Variants in NRG1 observed in about 807,000 individuals in gnomAD.
NRG1 encodes the protein neuregulin 1, also known as pro-neuregulin-1, membrane-bound isoform.
Under a neutral mutation model 63.8 loss-of-function variants are expected in NRG1, and 18 were observed. That is an observed-to-expected ratio of 0.28 (90% CI 0.19 to 0.42). The LOEUF (loss-of-function observed/expected upper bound fraction) is 0.42, where lower values mean the gene tolerates loss of function less well. Ranked by LOEUF, NRG1 falls within the 10% of genes least tolerant of loss-of-function variation. The pLI is 1.00. For missense variants in NRG1, 762 were observed against 814.7 expected, an observed-to-expected ratio of 0.94 and a Z score of 0.79; for synonymous variants, 302 against 301.3, an observed-to-expected ratio of 1.00 and a Z score of -0.02.
rs183925590 is a variant in NRG1, at chr8:31,742,898, C to T, written c.37+103467C>T. 1.2e-3 allele frequency among the ~76,000 whole-genome samples: 190 copies of T among 152,034 alleles called. 2 individuals carry two copies. The highest frequency in any genetic ancestry group is 7.0e-3 in the Admixed American group (107 of 15,246). On this transcript the variant is annotated intron_variant, in intron 1 of 10. Transcript: ENST00000519301. ...TTGACAGAACTCAATGGCATAGGCCCGCTAACTGGTAATGAGCTGGCAAGT... is the reference window on the plus strand; with the variant it reads ...TTGACAGAACTCAATGGCATAGGCCTGCTAACTGGTAATGAGCTGGCAAGT...
intron 1 of NRG1, among the ~76,000 whole-genome samples, chr8:32,210,816 C>T (rs561872810): frequency 1.3e-5 from 2 of 152,318 alleles, no homozygotes; most frequent in South Asian, 4.1e-4. Context: ...AGCTTTATCT[C>T]TGTCTACAGT....
chr8:32,715,046 T>G (rs751300625), intron 5 of NRG1, among the ~76,000 whole-genome samples: 4 of 152,060 alleles, frequency 2.6e-5, no homozygotes, highest in Non-Finnish European at 4.4e-5. Flanking sequence ...CAAACATGGC[T>G]CACTTTAACT....
intron 1 of NRG1, among the ~76,000 whole-genome samples, chr8:31,992,122 G>A (rs1200384784): frequency 2.0e-5 from 3 of 151,708 alleles, no homozygotes; most frequent in African/African-American, 4.8e-5. Flanking sequence ...ATTGCTTGAG[G>A]CCAGGAGTTC....
chr8:31,782,039 T>G (rs577843440), intron 1 of NRG1, among the ~76,000 whole-genome samples: 1 of 152,248 alleles, frequency 6.6e-6, no homozygotes, highest in Admixed American at 6.5e-5. Context: ...TTCACTGCCC[T>G]AGGTCTCTCT....
At chr8:32,131,519 G>A (rs1438942753) in intron 1 of NRG1, among the ~76,000 whole-genome samples, 1 of 152,018 alleles carries the variant, frequency 6.6e-6, no homozygotes, top group Non-Finnish European at 1.5e-5. Context: ...AGGATCTTCA[G>A]TTCTACCAAA....
exon 1 of NRG1, chr8:32,548,672 A>T (rs1418621557): frequency 1.3e-5 from 20 of 1,538,664 alleles, no homozygotes; most frequent in Middle Eastern, 1.7e-4. Context: ...GAGCCCTTGG[A>T]CCAAACTCGC....
At chr8:31,969,192 T>C (rs545126802) in intron 1 of NRG1, among the ~76,000 whole-genome samples, 1 of 152,332 alleles carries the variant, frequency 6.6e-6, no homozygotes, top group South Asian at 2.1e-4. Flanking sequence ...CTTTATTTTT[T>C]AGTAACTTCA....
intron 1 of NRG1, among the ~76,000 whole-genome samples, chr8:32,269,137 C>T (rs1173269284): frequency 6.6e-6 from 1 of 151,862 alleles, no homozygotes; most frequent in African/African-American, 2.4e-5. Flanking sequence ...ATTAAATATG[C>T]TCATTATTAG....
chr8:31,892,122 G>A (rs765795304), intron 1 of NRG1, among the ~76,000 whole-genome samples: 11 of 152,084 alleles, frequency 7.2e-5, no homozygotes, highest in Non-Finnish European at 7.4e-5. Context: ...TACCATGGGG[G>A]CAACTGGGTA....
At chr8:32,362,489 TA>T (rs1163288829) in intron 1 of NRG1, among the ~76,000 whole-genome samples, 3 of 152,242 alleles carry the variant, frequency 2.0e-5, no homozygotes, top group South Asian at 2.1e-4. Flanking sequence ...ATTATGGAAT[TA>T]CTATTTTATT....
intron 1 of NRG1, among the ~76,000 whole-genome samples, chr8:32,187,354 G>T (rs1842066764): frequency 6.6e-6 from 1 of 152,100 alleles, no homozygotes; most frequent in South Asian, 2.1e-4. Context: ...TGTTACCGGG[G>T]ACCTGAGGAA....
At chr8:32,144,739 A>G (rs1049382124) in intron 1 of NRG1, among the ~76,000 whole-genome samples, 1 of 152,308 alleles carries the variant, frequency 6.6e-6, no homozygotes. Context: ...CGCTTAAACA[A>G]GTTCATTACA....
At chr8:32,734,653 T>A (rs944669315) in intron 6 of NRG1, among the ~76,000 whole-genome samples, 8 of 152,240 alleles carry the variant, frequency 5.3e-5, no homozygotes, top group Non-Finnish European at 1.2e-4. Flanking sequence ...TTCTTTCATG[T>A]CCTCATATAT....
In NRG1 at chr8:32,759,380, T is replaced by C. The variant is rs367543166; in HGVS notation, c.996T>C (p.Ser332=). The change falls in exon 10 of 12, where the codon AGT becomes AGC. Residue 332 remains serine (S), a synonymous_variant. Transcript: ENST00000356819. ...AAGCAGAGACATCCTTTTCCACCAG[T>C]CACTATACTTCCACAGCCCATCACT... 1 of 1,613,842 alleles carries C rather than the reference T, an allele frequency of 6.2e-7. No homozygotes were observed. Among genetic ancestry groups the C allele is most frequent in the African/African-American group, 1.3e-5 (1 of 74,908 alleles).
At chr8:32,181,878 G>T (rs1841465036) in intron 1 of NRG1, among the ~76,000 whole-genome samples, 1 of 152,006 alleles carries the variant, frequency 6.6e-6, no homozygotes, top group Non-Finnish European at 1.5e-5. Flanking sequence ...TGTTTACAAG[G>T]CAAGTATTCT....
At chr8:32,461,486 G>T (rs1267285221) in intron 1 of NRG1, among the ~76,000 whole-genome samples, 1 of 152,084 alleles carries the variant, frequency 6.6e-6, no homozygotes, top group African/African-American at 2.4e-5. Context: ...ATCACTTGAA[G>T]CCAGGAGTTC....
At chr8:32,519,124 T>C (rs1464319596) in intron 1 of NRG1, among the ~76,000 whole-genome samples, 1 of 152,192 alleles carries the variant, frequency 6.6e-6, no homozygotes, top group Non-Finnish European at 1.5e-5. Context: ...TTAAATACTG[T>C]TGAAAGTTGC....
intron 5 of NRG1, among the ~76,000 whole-genome samples, chr8:32,643,658 C>T (rs537442449): frequency 1.3e-5 from 2 of 152,256 alleles, no homozygotes; most frequent in South Asian, 2.1e-4. Context: ...GTTTGTTTCA[C>T]AGCAATACAT....
At chr8:32,320,057 G>T (rs908554354) in intron 1 of NRG1, among the ~76,000 whole-genome samples, 5 of 152,148 alleles carry the variant, frequency 3.3e-5, no homozygotes, top group Non-Finnish European at 7.3e-5. Context: ...TGCTACTTAA[G>T]AGCTGTACGA....
Sources: gnomAD v4.1 joint callset for allele counts (sites outside exome capture counted in the v4.1 genomes callset) on GRCh38, gnomAD v4.1.1 for gene constraint, MANE v1.5 for transcripts, NCBI Gene and HGNC (gene_info 2026-07-23, HGNC 2026-07-21) for gene names.